ST3GAL6: variants seen among roughly 807,000 people sequenced by gnomAD.
The protein encoded by ST3GAL6 is ST3 beta-galactoside alpha-2,3-sialyltransferase 6.
Under a neutral mutation model 40.5 loss-of-function variants are expected in ST3GAL6, and 31 were observed. That is an observed-to-expected ratio of 0.77 (90% CI 0.58 to 1.03). The LOEUF is 1.03. Ranked by LOEUF, ST3GAL6 falls within the 50% of genes least tolerant of loss-of-function variation. The pLI is 0.00. For missense variants in ST3GAL6, 357 were observed against 393.2 expected, an observed-to-expected ratio of 0.91 and a Z score of 0.78; for synonymous variants, 129 against 136.9, an observed-to-expected ratio of 0.94 and a Z score of 0.40.
At position 98,784,937 on chromosome 3, in the gene ST3GAL6, T is replaced by G; in HGVS notation, c.336-8T>G. 2 of 1,607,172 alleles carry G rather than the reference T, an allele frequency of 1.2e-6. No homozygotes were observed. Among genetic ancestry groups the G allele is most frequent in the Non-Finnish European group, 1.7e-6 (2 of 1,175,040 alleles). Reference sequence around the variant, plus strand: ...GCTCAATCTCTCACTTGTCCATCTGTCCAACAGCATACCCTGTAAAAAGTG... The same window carrying G: ...GCTCAATCTCTCACTTGTCCATCTGGCCAACAGCATACCCTGTAAAAAGTG... On this transcript the variant is annotated splice_region_variant and splice_polypyrimidine_tract_variant and intron_variant, in intron 5 of 9. Transcript: ENST00000483910.
chr3:98,751,815 T>G lies in ST3GAL6; in HGVS notation c.-11-16615T>G, dbSNP rs187011495. On this transcript the variant is annotated intron_variant, in intron 1 of 9. Transcript: ENST00000265261. ...AGGATTTACTATAAGGTGTTACATA[T>G]GCATATGTCTAACAAATGGAAATAA... 2.2e-4 allele frequency among the ~76,000 whole-genome samples: 33 copies of G among 152,362 alleles called. No homozygotes were observed. In the East Asian group the frequency reaches 5.6e-3, roughly 26 times the overall value.
At chr3:98,793,290 C>G (rs1941361856) in intron 9 of ST3GAL6, among the ~76,000 whole-genome samples, 1 of 152,178 alleles carries the variant, frequency 6.6e-6, no homozygotes, top group South Asian at 2.1e-4. Context: ...TTAAACTGAA[C>G]CAGGCATTAT....
chr3:98,785,417 C>A (rs1169822997), intron 6 of ST3GAL6, among the ~76,000 whole-genome samples: 1 of 152,146 alleles, frequency 6.6e-6, no homozygotes, highest in Non-Finnish European at 1.5e-5. Flanking sequence ...TAATGATTGA[C>A]CACTTTGAGA....
At chr3:98,792,673 A>AT (rs11305556) in intron 9 of ST3GAL6, among the ~76,000 whole-genome samples, 2,043 of 132,918 alleles carry the variant, frequency 0.015, 42 homozygotes, top group African/African-American at 0.053. Flanking sequence ...CGACCGGCTA[A>AT]TTTTTTTTTT....
intron 1 of ST3GAL6, among the ~76,000 whole-genome samples, chr3:98,746,327 G>C (rs1576036943): frequency 1.3e-5 from 2 of 152,096 alleles, no homozygotes; most frequent in East Asian, 3.9e-4. Flanking sequence ...TGTTCTAGTA[G>C]GTTGTGAAAG....
chr3:98,762,716 C>G (rs935170716), upstream of ST3GAL6: 110 of 806,054 alleles, frequency 1.4e-4, no homozygotes, highest in Non-Finnish European at 1.5e-4. Context: ...ACAGTTCATA[C>G]TCTTAAAAAT....
rs1939443729 is a variant in ST3GAL6, at chr3:98,775,425, G to A, written c.335+1442G>A. On this transcript the variant is annotated intron_variant, in intron 5 of 9. Coordinates refer to ENST00000483910, the MANE Select transcript of ST3GAL6 (RefSeq NM_001323368.2). Reference sequence around the variant, plus strand: ...AGGGAGGCGGAGGTTGCAGTGAGCCGAGATCCACCACTGTACTCCAGCTTG... The same window carrying A: ...AGGGAGGCGGAGGTTGCAGTGAGCCAAGATCCACCACTGTACTCCAGCTTG... 1.3e-5 allele frequency among the ~76,000 whole-genome samples: 2 copies of A among 148,256 alleles called. 1 individual carries two copies. Among genetic ancestry groups the A allele is most frequent in the South Asian group, 4.2e-4 (2 of 4,724 alleles).
At chr3:98,732,762 C>T (rs1935134627) in intron 1 of ST3GAL6, 15 of 1,227,316 alleles carry the variant, frequency 1.2e-5, no homozygotes, top group Non-Finnish European at 1.6e-5. Flanking sequence ...GCTCCCTCCT[C>T]TGCTCCCCCG....
chr3:98,791,852 C>T lies in ST3GAL6; in HGVS notation c.768C>T (p.His256=). Reference sequence around the variant, plus strand: ...ATCCCCTCCCCCAGAAACCTAAACACCCAACAACAGGAATTATTGCCATCA... The same window carrying T: ...ATCCCCTCCCCCAGAAACCTAAACATCCAACAACAGGAATTATTGCCATCA... ...KVFPKNQKPK[H]PTTGIIAITL... is the part of the protein sequence containing the mutation. Residue 256 remains histidine (H), a synonymous_variant, in exon 9 of 10, where the codon CAC becomes CAT. Coordinates refer to ENST00000483910, the MANE Select transcript of ST3GAL6 (RefSeq NM_001323368.2). 1.2e-6 allele frequency: 2 copies of T among 1,610,824 alleles called. No homozygotes were observed. The highest frequency in any genetic ancestry group is 8.5e-7 in the Non-Finnish European group (1 of 1,178,322).
At chr3:98,789,144 C>A (rs772385943) in intron 8 of ST3GAL6, among the ~76,000 whole-genome samples, 16 of 152,064 alleles carry the variant, frequency 1.1e-4, no homozygotes, top group Non-Finnish European at 2.1e-4. Context: ...TAACATGACA[C>A]CTTGGTTGAA....
upstream of ST3GAL6, among the ~76,000 whole-genome samples, chr3:98,762,083 AGTGAAAGCACTG>A (rs1937843067): frequency 2.1e-5 from 1 of 46,934 alleles, no homozygotes; most frequent in African/African-American, 8.6e-5. Context: ...TGCTAAGGAC[AGTGAAAGCACTG>A]GTGAAAGCAC....
At chr3:98,769,582 G>A (rs537685892) in intron 2 of ST3GAL6, among the ~76,000 whole-genome samples, 1 of 151,026 alleles carries the variant, frequency 6.6e-6, no homozygotes, top group East Asian at 1.9e-4. Context: ...CAGGGAAAAT[G>A]ATAAAGAAGG....
At chr3:98,733,353 T>C (rs1399610808) in intron 1 of ST3GAL6, 1 of 1,090,480 alleles carries the variant, frequency 9.2e-7, no homozygotes, top group East Asian at 5.6e-5. Context: ...GAATCTGCTC[T>C]GGGACCCTCT....
chr3:98,732,883 A>C, intron 1 of ST3GAL6: 1 of 1,511,280 alleles, frequency 6.6e-7, no homozygotes, highest in Non-Finnish European at 8.8e-7. Flanking sequence ...GCGCCGCGAG[A>C]GAGGCAGCAG....
intron 1 of ST3GAL6, among the ~76,000 whole-genome samples, chr3:98,741,051 AGT>A (rs35649214): frequency 0.01 from 1,494 of 145,014 alleles, 10 homozygotes; most frequent in African/African-American, 0.026. Context: ...AGAGGGATTC[AGT>A]GTGTGTGTGT....
intron 5 of ST3GAL6, among the ~76,000 whole-genome samples, chr3:98,777,556 A>G (rs1007214166): frequency 1.1e-4 from 17 of 152,218 alleles, no homozygotes; most frequent in African/African-American, 3.4e-4. Flanking sequence ...GCTCACCTTT[A>G]AAAGCAAACA....
At chr3:98,786,912 A>AT (rs1356674408) in intron 6 of ST3GAL6, among the ~76,000 whole-genome samples, 5 of 150,984 alleles carry the variant, frequency 3.3e-5, no homozygotes, top group Non-Finnish European at 5.9e-5. Flanking sequence ...TTCTATCTCT[A>AT]TTTTTTTAGT....
chr3:98,732,891 C>T (rs1935152243), intron 1 of ST3GAL6: 2 of 1,509,638 alleles, frequency 1.3e-6, no homozygotes, highest in Non-Finnish European at 1.8e-6. Context: ...AGAGAGGCAG[C>T]AGCCGGCTGG....
chr3:98,747,334 C>A (rs1936638109), intron 1 of ST3GAL6, among the ~76,000 whole-genome samples: 1 of 152,104 alleles, frequency 6.6e-6, no homozygotes, highest in South Asian at 2.1e-4. Flanking sequence ...TGTTTTATTT[C>A]CTTTTTCAGA....
Sources: allele counts gnomAD v4.1 joint callset (sites outside exome capture counted in the v4.1 genomes callset), GRCh38; gene constraint gnomAD v4.1.1; transcripts MANE v1.5; gene names NCBI Gene and HGNC (gene_info 2026-07-23, HGNC 2026-07-21).